Variants in CEP135 observed in about 807,000 individuals in gnomAD.
The protein encoded by CEP135 is centrosomal protein of 135 kDa.
CEP135 carries 142 observed loss-of-function variants against 157.3 expected under a neutral mutation model. The observed-to-expected ratio is 0.90, with a 90% CI of 0.79 to 1.04. The LOEUF (loss-of-function observed/expected upper bound fraction) is 1.04, where lower values mean the gene tolerates loss of function less well. Among genes scored for constraint, CEP135 ranks in the 50% least tolerant of loss-of-function variants. The pLI, the probability that CEP135 is intolerant of heterozygous loss-of-function variation, is 0.00. For synonymous variants in CEP135, 396 were observed against 439.8 expected, an observed-to-expected ratio of 0.90 and a Z score of 1.25; for missense variants, 1,317 against 1,309.2, an observed-to-expected ratio of 1.01 and a Z score of -0.09.
chr4:55,986,563 A>G (rs1729595384), intron 14 of CEP135, among the ~76,000 whole-genome samples: 1 of 152,202 alleles, frequency 6.6e-6, no homozygotes, highest in South Asian at 2.1e-4. Context: ...AAAAAAAATT[A>G]TACAGAGGTA....
At chr4:56,027,240 T>C (rs993706654) in intron 25 of CEP135, among the ~76,000 whole-genome samples, 11 of 152,234 alleles carry the variant, frequency 7.2e-5, no homozygotes, top group Admixed American at 5.9e-4. Flanking sequence ...CATTTTCTCA[T>C]GTTTGATTCA....
intron 8 of CEP135, chr4:55,966,356 T>A (rs1728844807): frequency 6.5e-6 from 1 of 154,994 alleles, no homozygotes; most frequent in Non-Finnish European, 1.4e-5. Flanking sequence ...CATGCCCAGC[T>A]AATTTTTGTA....
At chr4:56,026,332 A>C (rs1284387021) in intron 25 of CEP135, among the ~76,000 whole-genome samples, 1 of 152,206 alleles carries the variant, frequency 6.6e-6, no homozygotes, top group Non-Finnish European at 1.5e-5. Flanking sequence ...AAAACAAAAC[A>C]AAACTAACTT....
chr4:55,975,073 A>G (rs1729156692), intron 11 of CEP135, 104 bp downstream of exon 11: 1 of 828,686 alleles, frequency 1.2e-6, no homozygotes, highest in Non-Finnish European at 1.8e-6. Flanking sequence ...GCTTTGAAAA[A>G]TCCTGATTTT....
chr4:56,009,871 G>T lies in CEP135; in HGVS notation c.2473G>T (p.Asp825Tyr). Residue 825 changes from aspartate (D) to tyrosine (Y), a missense_variant, in exon 19 of 26, where the codon GAT becomes TAT. Asp to Tyr is a radical substitution (Grantham distance 160, BLOSUM62 -3). Transcript: ENST00000257287. ...IAFKENRRLQDDLATMARENQ... is the reference protein window; with the variant it reads ...IAFKENRRLQYDLATMARENQ... ...TTTTAAGGAAAACAGAAGACTGCAA[G>T]ATGACCTGGCTACAATGGCAAGAGA... The T allele has an allele frequency of 6.2e-7, 1 of 1,613,722 alleles. No individual in the cohort carries two copies. The highest frequency in any genetic ancestry group is 1.1e-5 in the South Asian group (1 of 90,862).
intron 8 of CEP135, 60 bp from the exon 9 acceptor site, chr4:55,969,003 C>A: frequency 1.6e-6 from 2 of 1,266,804 alleles, no homozygotes; most frequent in South Asian, 1.3e-5. Context: ...GATCTATTTG[C>A]ATATGACTTA....
intron 13 of CEP135, among the ~76,000 whole-genome samples, chr4:55,983,048 A>G (rs993634026): frequency 3.3e-5 from 5 of 152,322 alleles, no homozygotes; most frequent in Middle Eastern, 6.8e-3. Flanking sequence ...TTTATGTCAC[A>G]ATGTTCAGTT....
Position 55,956,257 on chromosome 4 carries a change from A to G in CEP135, c.473-966A>G, listed in dbSNP as rs554836702. ...GAATTCTAATGAGACAAAATTGTGG[A>G]TTATGTTTGTTCTTCACAAGGATCT... On this transcript the variant is annotated intron_variant, in intron 4 of 25. Transcript: ENST00000257287. Among the ~76,000 whole-genome samples the G allele has an allele frequency of 2.0e-5, 3 of 152,226 alleles. No homozygotes were observed. The South Asian group carries it at 6.2e-4, about 32-fold the overall frequency.
Position 55,954,357 on chromosome 4 carries a change from AT to A in CEP135, c.449del (p.Leu150CysfsTer4). The A allele has an allele frequency of 6.2e-7, 1 of 1,605,810 alleles. No individual in the cohort carries two copies. Among genetic ancestry groups the A allele is most frequent in the Non-Finnish European group, 8.5e-7 (1 of 1,177,620 alleles). ...AGAATTCAACAACTTCAAGAAAAGA[AT>A]TTGCATGCTGTAGTACAAACTCCAG... The part of the protein sequence containing the change: ...NERIQQLQEK[N>X]LHAVVQTPGG... On this transcript the variant is annotated frameshift_variant, in exon 4 of 26. Coordinates refer to ENST00000257287, the MANE Select transcript of CEP135 (RefSeq NM_025009.5). LOFTEE classifies it high-confidence loss of function.
chr4:55,982,729 C>T (rs892801980), intron 13 of CEP135, among the ~76,000 whole-genome samples: 1 of 152,020 alleles, frequency 6.6e-6, no homozygotes, highest in Admixed American at 6.6e-5. Context: ...TTTTCACTTT[C>T]TCAGTGATGT....
chr4:55,972,950 T>G (rs1316464438), intron 10 of CEP135, among the ~76,000 whole-genome samples: 1 of 152,104 alleles, frequency 6.6e-6, no homozygotes, highest in Non-Finnish European at 1.5e-5. Flanking sequence ...GAGAATCGCT[T>G]GAACCCGGAG....
chr4:55,997,789 G>A (rs1390133374), intron 15 of CEP135, among the ~76,000 whole-genome samples: 1 of 152,106 alleles, frequency 6.6e-6, no homozygotes, highest in African/African-American at 2.4e-5. Flanking sequence ...GAGCTAATAT[G>A]TACAAAGTAC....
chr4:55,978,794 C>G (rs546556708), intron 11 of CEP135, among the ~76,000 whole-genome samples: 3 of 152,304 alleles, frequency 2.0e-5, no homozygotes, highest in Non-Finnish European at 2.9e-5. Context: ...AAGCAGTCCT[C>G]CTGCCTTGGC....
Position 55,974,923 on chromosome 4 carries a change from G to C in CEP135, c.1427G>C (p.Ser476Thr). 1 of 1,610,262 alleles carries C rather than the reference G, an allele frequency of 6.2e-7. No homozygotes were observed. Among genetic ancestry groups the C allele is most frequent in the East Asian group, 2.2e-5 (1 of 44,776 alleles). The stretch of plus-strand genomic sequence containing the variant: ...ATACAGCGAAGATCTTGCTCTACAA[G>C]TTATAGCGCACGTGAAAAAAGTTCA... ...HIIQRRSCST[S>T]YSAREKSSIF... The change falls in exon 11 of 26, where the codon AGT (serine) becomes ACT (threonine). Residue 476 changes from serine (S) to threonine (T), a missense_variant. By Grantham distance (58) the Ser-to-Thr change is moderately conservative. Transcript: ENST00000257287.
rs562450908 is a variant in CEP135 at position 56,023,139 on chromosome 4, G to A, written c.3321-1362G>A. ...TCCCAGCTCCTCAGGAGGATGAGGC[G>A]GGAGGATCGCTTGAGCCCAGGAGTT... On this transcript the variant is annotated intron_variant, in intron 24 of 25. Coordinates refer to ENST00000257287, the MANE Select transcript of CEP135 (RefSeq NM_025009.5). Among the ~76,000 whole-genome samples the A allele has an allele frequency of 9.2e-5, 14 of 151,860 alleles. No individual in the cohort carries two copies. In the East Asian group the frequency reaches 2.3e-3, roughly 25 times the overall value.
intron 21 of CEP135, among the ~76,000 whole-genome samples, chr4:56,012,229 T>G (rs543016837): frequency 6.6e-6 from 1 of 152,148 alleles, no homozygotes; most frequent in Non-Finnish European, 1.5e-5. Flanking sequence ...CAATTTTTTG[T>G]AGTTTTAGTA....
chr4:56,012,210 A>G (rs1195522493), intron 21 of CEP135, among the ~76,000 whole-genome samples: 1 of 152,018 alleles, frequency 6.6e-6, no homozygotes, highest in Non-Finnish European at 1.5e-5. Context: ...GTGTGCCACC[A>G]CACCTGGCCA....
At chr4:55,953,628 A>C (rs1728427780) in intron 3 of CEP135, among the ~76,000 whole-genome samples, 2 of 152,320 alleles carry the variant, frequency 1.3e-5, no homozygotes, top group African/African-American at 2.4e-5. Flanking sequence ...TAATCACTAT[A>C]TGTGGATTAA....
chr4:55,964,099 A>G (rs1728768754), intron 6 of CEP135, among the ~76,000 whole-genome samples, 175 bp from the exon 7 acceptor site: 2 of 152,246 alleles, frequency 1.3e-5, no homozygotes, highest in Non-Finnish European at 2.9e-5. Flanking sequence ...GACATTTTCT[A>G]TGTAATTTAT....
Sources: allele counts gnomAD v4.1 joint callset (sites outside exome capture counted in the v4.1 genomes callset), GRCh38; gene constraint gnomAD v4.1.1; transcripts MANE v1.5; gene names NCBI Gene and HGNC (gene_info 2026-07-23, HGNC 2026-07-21).